GALNT2: variants seen among roughly 807,000 people sequenced by gnomAD.
GALNT2 encodes the protein polypeptide N-acetylgalactosaminyltransferase 2, also known as UDP-GalNAc:polypeptide N-acetylgalactosaminyltransferase 2.
Under a neutral mutation model 81.4 loss-of-function variants are expected in GALNT2, and 31 were observed. The observed-to-expected ratio is 0.38, with a 90% CI of 0.29 to 0.51. The LOEUF is 0.51. Ranked by LOEUF, GALNT2 falls within the 20% of genes least tolerant of loss-of-function variation. The pLI is 0.87. For missense variants in GALNT2, 629 were observed against 765.7 expected, an observed-to-expected ratio of 0.82 and a Z score of 2.11; for synonymous variants, 303 against 287.4, an observed-to-expected ratio of 1.05 and a Z score of -0.55.
chr1:230,064,877 A>G (rs1003811096), upstream of GALNT2, among the ~76,000 whole-genome samples: 38 of 152,230 alleles, frequency 2.5e-4, no homozygotes. Flanking sequence ...GTTGCTGTTC[A>G]GAAGTCTGAT....
intron 1 of GALNT2, among the ~76,000 whole-genome samples, chr1:230,086,490 C>A (rs1659902364): frequency 6.6e-6 from 1 of 152,162 alleles, no homozygotes; most frequent in African/African-American, 2.4e-5. Context: ...ATTGCTCACT[C>A]TTTGGAGATT....
intron 15 of GALNT2, among the ~76,000 whole-genome samples, chr1:230,278,272 C>T (rs569522932): frequency 6.6e-6 from 1 of 151,966 alleles, no homozygotes; most frequent in African/African-American, 2.4e-5. Context: ...CATGCACCAC[C>T]ATGCCCTGCT....
At chr1:230,130,623 A>T (rs1571997705) in intron 1 of GALNT2, among the ~76,000 whole-genome samples, 1 of 152,264 alleles carries the variant, frequency 6.6e-6, no homozygotes, top group East Asian at 1.9e-4. Context: ...CCTAAGTAGG[A>T]TGCTCCCATG....
intron 2 of GALNT2, among the ~76,000 whole-genome samples, chr1:230,196,608 T>C (rs4846925): frequency 0.56 from 85,448 of 151,920 alleles, 26,778 homozygotes; most frequent in East Asian, 0.89. Flanking sequence ...GTGTGGGTCT[T>C]GACAGGAGAT....
intron 1 of GALNT2, among the ~76,000 whole-genome samples, chr1:230,141,294 CT>C (rs1335015209): frequency 6.6e-6 from 1 of 152,194 alleles, no homozygotes; most frequent in Non-Finnish European, 1.5e-5. Context: ...GGGTTCCTTA[CT>C]TTGTTTTTAA....
chr1:230,208,383 T>G (rs1664131035), intron 3 of GALNT2, among the ~76,000 whole-genome samples: 1 of 152,120 alleles, frequency 6.6e-6, no homozygotes, highest in African/African-American at 2.4e-5. Flanking sequence ...TCTCCTCAGC[T>G]GAGATATAGG....
chr1:230,151,173 G>A (rs1662083493), intron 1 of GALNT2, among the ~76,000 whole-genome samples: 1 of 152,190 alleles, frequency 6.6e-6, no homozygotes, highest in Non-Finnish European at 1.5e-5. Context: ...GACGATCACC[G>A]TGGCCACCGT....
At chr1:230,110,293 G>T (rs767187628) in intron 1 of GALNT2, among the ~76,000 whole-genome samples, 4 of 152,192 alleles carry the variant, frequency 2.6e-5, no homozygotes, top group African/African-American at 4.8e-5. Context: ...GGGACCAAAA[G>T]GATCTCTGTC....
intron 3 of GALNT2, among the ~76,000 whole-genome samples, chr1:230,206,475 C>T (rs1664060558): frequency 6.6e-6 from 1 of 152,164 alleles, no homozygotes. Context: ...TATCCATAGT[C>T]AATTGGATGC....
intron 11 of GALNT2, among the ~76,000 whole-genome samples, chr1:230,261,079 CTCT>C (rs1665862848): frequency 1.6e-5 from 2 of 128,282 alleles, no homozygotes; most frequent in Admixed American, 1.7e-4. Context: ...CATAAAGTTT[CTCT>C]TTTTTTTTTT....
At chr1:230,135,073 C>G (rs1355391023) in intron 1 of GALNT2, among the ~76,000 whole-genome samples, 4 of 152,094 alleles carry the variant, frequency 2.6e-5, no homozygotes, top group East Asian at 1.9e-4. Context: ...TTAATTTGAG[C>G]CTTTAGGTGC....
chr1:230,197,904 G>T (rs573494469), intron 2 of GALNT2, among the ~76,000 whole-genome samples: 1 of 152,146 alleles, frequency 6.6e-6, no homozygotes, highest in South Asian at 2.1e-4. Context: ...TCCAGCCAGC[G>T]ATCTGACTGA....
chr1:230,153,185 TGTGG>T (rs1429813474), intron 1 of GALNT2, among the ~76,000 whole-genome samples: 1 of 152,260 alleles, frequency 6.6e-6, no homozygotes, highest in Non-Finnish European at 1.5e-5. Context: ...TATCTCAGTC[TGTGG>T]AGTAGCTGAG....
chr1:230,274,075 T>A (rs1156893168), intron 14 of GALNT2, among the ~76,000 whole-genome samples: 1 of 152,254 alleles, frequency 6.6e-6, no homozygotes, highest in Non-Finnish European at 1.5e-5. Context: ...ACTGTCTACC[T>A]GGTGTATAAC....
At chr1:230,247,928 C>G (rs894863978) in intron 8 of GALNT2, among the ~76,000 whole-genome samples, 6 of 152,222 alleles carry the variant, frequency 3.9e-5, no homozygotes, top group Non-Finnish European at 8.8e-5. Context: ...TTAACCTTCT[C>G]TGTTAGTGAA....
At chr1:230,237,822 C>CTGG (rs1665078792) in intron 6 of GALNT2, among the ~76,000 whole-genome samples, 1 of 151,848 alleles carries the variant, frequency 6.6e-6, no homozygotes, top group East Asian at 1.9e-4. Context: ...CCATCCTACC[C>CTGG]CATCACCTGG....
At chr1:230,065,357 C>A (rs1659146287), upstream of GALNT2, among the ~76,000 whole-genome samples, 2 of 152,068 alleles carry the variant, frequency 1.3e-5, no homozygotes, top group Non-Finnish European at 2.9e-5. Flanking sequence ...ATTTGCTCAA[C>A]CCTTGTTGCA....
At chr1:230,161,375 A>G (rs1662431122) in intron 1 of GALNT2, among the ~76,000 whole-genome samples, 1 of 152,212 alleles carries the variant, frequency 6.6e-6, no homozygotes, top group Non-Finnish European at 1.5e-5. Flanking sequence ...GTGTGTATTA[A>G]GCCCCTCCTT....
intron 1 of GALNT2, among the ~76,000 whole-genome samples, chr1:230,107,884 A>T (rs1335981884): frequency 6.6e-6 from 1 of 152,186 alleles, no homozygotes; most frequent in East Asian, 1.9e-4. Flanking sequence ...CCATGCTGTG[A>T]GTTGAGAATC....
Sources: allele counts gnomAD v4.1 joint callset (sites outside exome capture counted in the v4.1 genomes callset), GRCh38; gene constraint gnomAD v4.1.1; transcripts MANE v1.5; gene names NCBI Gene and HGNC (gene_info 2026-07-23, HGNC 2026-07-21).